The following HYCC2 variants were observed in gnomAD, a reference collection of about 807,000 sequenced individuals.
The protein encoded by HYCC2 is hyccin 2.
At chr2:200,986,460 A>G in the HYCC2 span, among the ~76,000 whole-genome samples, 1 of 152,374 alleles carries the variant, frequency 6.6e-6, no homozygotes, top group South Asian at 2.1e-4. Flanking sequence ...ATTTTTAAAA[A>G]AACTGGCTAC....
chr2:201,039,659 C>T, the HYCC2 span, among the ~76,000 whole-genome samples: 1 of 152,120 alleles, frequency 6.6e-6, no homozygotes, highest in Non-Finnish European at 1.5e-5. Flanking sequence ...TTTTAAACAA[C>T]AATTAGGGAC....
At chr2:201,056,531 A>C in the HYCC2 span, among the ~76,000 whole-genome samples, 1 of 151,852 alleles carries the variant, frequency 6.6e-6, no homozygotes, top group Non-Finnish European at 1.5e-5. Flanking sequence ...AAAATTAGCC[A>C]GGCGTGGTGG....
At chr2:200,994,940 G>C in the HYCC2 span, among the ~76,000 whole-genome samples, 2 of 151,562 alleles carry the variant, frequency 1.3e-5, no homozygotes, top group Non-Finnish European at 2.9e-5. Flanking sequence ...GTTCGAGGCT[G>C]CAGTGAGCTA....
At chr2:201,021,635 C>A in the HYCC2 span, 8,114 of 170,734 alleles carry the variant, frequency 0.048, 464 homozygotes, top group African/African-American at 0.14. Context: ...ACTAGATTCT[C>A]GGGAAGTTAC....
At chr2:201,038,408 A>C in the HYCC2 span, among the ~76,000 whole-genome samples, 14 of 152,306 alleles carry the variant, frequency 9.2e-5, no homozygotes, top group Non-Finnish European at 1.9e-4. Flanking sequence ...TACCCAAAGG[A>C]ATATAAACCA....
At chr2:201,012,715 C>T in the HYCC2 span, among the ~76,000 whole-genome samples, 1 of 151,914 alleles carries the variant, frequency 6.6e-6, no homozygotes, top group Non-Finnish European at 1.5e-5. Flanking sequence ...GAGGCTGAGG[C>T]GGGTAGATCA....
chr2:200,998,824 CTCTT>C, the HYCC2 span, among the ~76,000 whole-genome samples: 1 of 152,162 alleles, frequency 6.6e-6, no homozygotes, highest in Non-Finnish European at 1.5e-5. Flanking sequence ...TTTATGGAAA[CTCTT>C]TGTACTATTT....
chr2:201,043,142 C>T, the HYCC2 span, among the ~76,000 whole-genome samples: 11 of 152,150 alleles, frequency 7.2e-5, no homozygotes, highest in Admixed American at 7.2e-4. Flanking sequence ...CAACCCCGTG[C>T]TCTCTGAAAC....
chr2:200,992,543 A>G, the HYCC2 span, among the ~76,000 whole-genome samples: 2 of 152,214 alleles, frequency 1.3e-5, no homozygotes, highest in Non-Finnish European at 2.9e-5. Context: ...AACAGATTTT[A>G]AATATTATGT....
the HYCC2 span, chr2:200,992,901 C>T: frequency 6.2e-7 from 1 of 1,601,080 alleles, no homozygotes. Context: ...CATAATAAAC[C>T]CCTGTGAGAA....
the HYCC2 span, chr2:200,979,411 A>T: frequency 6.6e-6 from 1 of 152,558 alleles, no homozygotes; most frequent in African/African-American, 2.4e-5. Context: ...CATGAGCTGG[A>T]AAAATGTTAC....
chr2:201,044,428 G>A, the HYCC2 span, among the ~76,000 whole-genome samples: 1 of 152,086 alleles, frequency 6.6e-6, no homozygotes, highest in African/African-American at 2.4e-5. Flanking sequence ...ACAACATAAT[G>A]AACAAAATAA....
At chr2:200,993,818 A>G in the HYCC2 span, among the ~76,000 whole-genome samples, 2,503 of 151,730 alleles carry the variant, frequency 0.016, 32 homozygotes, top group Non-Finnish European at 0.026. Flanking sequence ...CGTCTCTACT[A>G]AAAATACAAA....
At chr2:201,035,913 A>G in the HYCC2 span, among the ~76,000 whole-genome samples, 2 of 152,278 alleles carry the variant, frequency 1.3e-5, no homozygotes, top group Admixed American at 6.5e-5. Flanking sequence ...GCTGCAGAAC[A>G]GCGGATATTG....
chr2:201,055,610 G>A, the HYCC2 span, among the ~76,000 whole-genome samples: 5 of 152,018 alleles, frequency 3.3e-5, no homozygotes, highest in African/African-American at 1.2e-4. Context: ...GAGGTGAGAG[G>A]ATCACTTAAG....
chr2:201,065,043 G>T, the HYCC2 span, among the ~76,000 whole-genome samples: 7,895 of 152,192 alleles, frequency 0.052, 474 homozygotes, highest in African/African-American at 0.14. Context: ...TTATCACATA[G>T]GTAGACTCAT....
chr2:201,003,875 A>T, the HYCC2 span, among the ~76,000 whole-genome samples: 3 of 143,954 alleles, frequency 2.1e-5, no homozygotes, highest in African/African-American at 7.8e-5. Flanking sequence ...ACAGTGGCAC[A>T]ATCTCGGCTC....
chr2:201,011,758 C>T, the HYCC2 span, among the ~76,000 whole-genome samples: 3 of 152,002 alleles, frequency 2.0e-5, no homozygotes, highest in South Asian at 2.1e-4. Flanking sequence ...GGCAGGCAAA[C>T]GAATCAATTT....
chr2:201,027,747 T>C, the HYCC2 span, among the ~76,000 whole-genome samples: 1 of 152,180 alleles, frequency 6.6e-6, no homozygotes, highest in Non-Finnish European at 1.5e-5. Context: ...AGAAAAGGCC[T>C]CTGACAAAAT....
Sources: gnomAD v4.1 joint callset for allele counts (sites outside exome capture counted in the v4.1 genomes callset) on GRCh38, gnomAD v4.1.1 for gene constraint, MANE v1.5 for transcripts, NCBI Gene and HGNC (gene_info 2026-07-23, HGNC 2026-07-21) for gene names.